GALNT7: variants seen among roughly 807,000 people sequenced by gnomAD.
GALNT7 encodes polypeptide N-acetylgalactosaminyltransferase 7, also known as N-acetylgalactosaminyltransferase 7.
Under a neutral mutation model 82.1 loss-of-function variants are expected in GALNT7, and 60 were observed. The ratio of observed to expected loss-of-function variants is 0.73; its 90% confidence interval spans 0.59 to 0.91. The LOEUF (loss-of-function observed/expected upper bound fraction) is 0.91. GALNT7 is among the 40% of genes least tolerant of loss of function. GALNT7 has a pLI of 0.00. For synonymous variants in GALNT7, 243 were observed against 275.1 expected, an observed-to-expected ratio of 0.88 and a Z score of 1.15; for missense variants, 660 against 804.2, an observed-to-expected ratio of 0.82 and a Z score of 2.17.
chr4:173,204,149 T>C lies in GALNT7; in HGVS notation c.126+35188T>C, dbSNP rs1010416394. On this transcript the variant is annotated intron_variant, in intron 1 of 11. Transcript: ENST00000265000. ...TTTTTCTCTTTCAGCACTCTGAATG[T>C]ATCATCTCACTCTCTCCTGGCCTGT... is the stretch of plus-strand genomic sequence containing the variant. 1.1e-4 allele frequency among the ~76,000 whole-genome samples: 17 copies of C among 152,342 alleles called. 1 individual carries two copies. The South Asian group carries it at 2.1e-3, about 19-fold the overall frequency.
At chr4:173,294,830 T>C (rs147956864) in intron 3 of GALNT7, among the ~76,000 whole-genome samples, 38 of 152,314 alleles carry the variant, frequency 2.5e-4, no homozygotes, top group Admixed American at 4.6e-4. Context: ...ATACACTTGA[T>C]GCTTAAGATA....
chr4:173,210,673 C>T (rs1733251470), intron 1 of GALNT7, among the ~76,000 whole-genome samples: 1 of 152,086 alleles, frequency 6.6e-6, no homozygotes, highest in Admixed American at 6.5e-5. Flanking sequence ...CTCAAGCGAT[C>T]CGCCCACCTC....
chr4:173,271,895 C>T (rs1346201522), intron 2 of GALNT7, among the ~76,000 whole-genome samples: 2 of 152,098 alleles, frequency 1.3e-5, no homozygotes, highest in Non-Finnish European at 2.9e-5. Context: ...CACCATTTTG[C>T]TAGCTATATG....
At chr4:173,198,474 G>A (rs1732848407) in intron 1 of GALNT7, among the ~76,000 whole-genome samples, 1 of 152,110 alleles carries the variant, frequency 6.6e-6, no homozygotes, top group African/African-American at 2.4e-5. Flanking sequence ...CCTTCCCAGA[G>A]TGTCCTTCTG....
chr4:173,295,243 A>G (rs1444890569), intron 3 of GALNT7, among the ~76,000 whole-genome samples, 153 bp from the exon 4 acceptor site: 1 of 152,230 alleles, frequency 6.6e-6, no homozygotes, highest in Non-Finnish European at 1.5e-5. Flanking sequence ...CTTAAATAAT[A>G]TACTTCGCCT....
intron 1 of GALNT7, among the ~76,000 whole-genome samples, chr4:173,188,527 T>A (rs1048426841): frequency 6.6e-6 from 1 of 152,246 alleles, no homozygotes; most frequent in Non-Finnish European, 1.5e-5. Flanking sequence ...TAGCATATCT[T>A]TCACAAACTG....
chr4:173,287,126 A>T lies in GALNT7; in HGVS notation c.588-4982A>T, dbSNP rs528296800. Among the ~76,000 whole-genome samples, 71 of 152,322 alleles carry T rather than the reference A, an allele frequency of 4.7e-4. No individual in the cohort carries two copies. In the South Asian group the frequency reaches 0.013, roughly 29 times the overall value. The stretch of plus-strand genomic sequence containing the variant: ...TGTCTGAGTAATAAACCTGTTCTTT[A>T]TTGAATAAAAAGGTTTAAAGATTTT... On this transcript the variant is annotated intron_variant, in intron 2 of 11. Transcript: ENST00000265000.
chr4:173,280,537 ATAACTC>A (rs778534201), intron 2 of GALNT7, among the ~76,000 whole-genome samples: 12 of 152,222 alleles, frequency 7.9e-5, no homozygotes, highest in Non-Finnish European at 1.6e-4. Flanking sequence ...TACTCTAAGA[ATAACTC>A]TAATCATTGC....
intron 1 of GALNT7, among the ~76,000 whole-genome samples, chr4:173,227,209 A>T (rs1269575623): frequency 6.6e-6 from 1 of 152,234 alleles, no homozygotes; most frequent in African/African-American, 2.4e-5. Context: ...TAAAAATTTT[A>T]AAATGTAACT....
chr4:173,209,780 CA>C (rs1207692264), intron 1 of GALNT7, among the ~76,000 whole-genome samples: 57 of 152,324 alleles, frequency 3.7e-4, no homozygotes, highest in Non-Finnish European at 7.2e-4. Flanking sequence ...CGGGTGCCAG[CA>C]CAAAGTTTGT....
intron 2 of GALNT7, among the ~76,000 whole-genome samples, chr4:173,255,496 C>T (rs988576758): frequency 6.6e-6 from 1 of 152,188 alleles, no homozygotes; most frequent in African/African-American, 2.4e-5. Context: ...CCCCCAACTA[C>T]GAATTTAGAA....
At chr4:173,261,224 C>T (rs1735245755) in intron 2 of GALNT7, among the ~76,000 whole-genome samples, 1 of 152,158 alleles carries the variant, frequency 6.6e-6, no homozygotes, top group Non-Finnish European at 1.5e-5. Context: ...GGACGCCATC[C>T]TATCACAGGT....
At chr4:173,185,265 TCAC>T (rs1732429555) in intron 1 of GALNT7, among the ~76,000 whole-genome samples, 1 of 152,184 alleles carries the variant, frequency 6.6e-6, no homozygotes, top group Non-Finnish European at 1.5e-5. Flanking sequence ...TGAATTCTCT[TCAC>T]CACTCCGTGA....
chr4:173,253,057 C>T (rs569065587), intron 2 of GALNT7, among the ~76,000 whole-genome samples: 2 of 152,076 alleles, frequency 1.3e-5, no homozygotes, highest in South Asian at 4.2e-4. Flanking sequence ...AAAAAATCAG[C>T]TGGGCGTGTT....
chr4:173,183,084 A>ACACACACACT (rs1561144280), intron 1 of GALNT7, among the ~76,000 whole-genome samples: 3 of 143,736 alleles, frequency 2.1e-5, no homozygotes, highest in Admixed American at 1.4e-4. Context: ...ACACACACAC[A>ACACACACACT]CACACACTGC....
At chr4:173,199,911 A>G (rs909974832) in intron 1 of GALNT7, among the ~76,000 whole-genome samples, 4 of 152,182 alleles carry the variant, frequency 2.6e-5, no homozygotes, top group African/African-American at 9.7e-5. Context: ...ACGGTGCTAA[A>G]TGATGCACCA....
intron 1 of GALNT7, among the ~76,000 whole-genome samples, chr4:173,212,483 CTTCAG>C (rs1276129562): frequency 1.3e-5 from 2 of 152,110 alleles, no homozygotes; most frequent in African/African-American, 4.8e-5. Context: ...TTGAAAGAGG[CTTCAG>C]TTTAGATTAT....
chr4:173,197,688 A>T (rs892162895), intron 1 of GALNT7, among the ~76,000 whole-genome samples: 1 of 152,192 alleles, frequency 6.6e-6, no homozygotes, highest in East Asian at 1.9e-4. Flanking sequence ...TTCTGCTCTA[A>T]CTTGAGCAGC....
intron 1 of GALNT7, among the ~76,000 whole-genome samples, chr4:173,183,718 G>A (rs1732354679): frequency 6.6e-6 from 1 of 151,580 alleles, no homozygotes; most frequent in Non-Finnish European, 1.5e-5. Flanking sequence ...CCTCCCAGAC[G>A]GGGCGGCGGC....
Sources: allele counts gnomAD v4.1 joint callset (sites outside exome capture counted in the v4.1 genomes callset), GRCh38; gene constraint gnomAD v4.1.1; transcripts MANE v1.5; gene names NCBI Gene and HGNC (gene_info 2026-07-23, HGNC 2026-07-21).